The following KCNT2 variants were observed in gnomAD, a reference collection of about 807,000 sequenced individuals.
KCNT2 encodes the protein potassium channel subfamily T member 2.
KCNT2 carries 67 observed loss-of-function variants against 153.8 expected under a neutral mutation model. That is an observed-to-expected ratio of 0.44 (90% confidence interval 0.36 to 0.53). KCNT2 has a LOEUF of 0.53. Ranked by LOEUF, KCNT2 falls within the 20% of genes least tolerant of loss-of-function variation. The pLI, the probability that KCNT2 is intolerant of heterozygous loss-of-function variation, is 0.00. For synonymous variants in KCNT2, 500 were observed against 458.8 expected (o/e 1.09, Z -1.15); for missense variants, 975 against 1,354.8 (o/e 0.72, Z 4.40).
intron 1 of KCNT2, among the ~76,000 whole-genome samples, chr1:196,526,698 A>C (rs2148836858): frequency 6.6e-6 from 1 of 152,062 alleles, no homozygotes; most frequent in South Asian, 2.1e-4. Flanking sequence ...TGATCTGCCC[A>C]CCTCGGCCTC....
intron 1 of KCNT2, among the ~76,000 whole-genome samples, chr1:196,505,864 C>G (rs6676437): frequency 0.048 from 7,231 of 152,174 alleles, 591 homozygotes; most frequent in African/African-American, 0.16. Context: ...TGGGAGTTCA[C>G]TCATGATTGG....
At chr1:196,538,449 A>T (rs916481510) in intron 1 of KCNT2, among the ~76,000 whole-genome samples, 1 of 152,192 alleles carries the variant, frequency 6.6e-6, no homozygotes, top group Non-Finnish European at 1.5e-5. Flanking sequence ...CAGTTTTGAC[A>T]TAGCTTTTAC....
Position 196,333,975 on chromosome 1 carries a change from T to G in KCNT2, c.1869A>C (p.Glu623Asp), listed in dbSNP as rs763115543. The G allele has an allele frequency of 4.3e-6, 7 of 1,613,354 alleles. No individual in the cohort carries two copies. In the South Asian group the frequency reaches 7.7e-5, roughly 18 times the overall value. ...TLSLPTEGSKEIRRPSIAPVL... is the reference protein window; with the variant it reads ...TLSLPTEGSKDIRRPSIAPVL... ...CAGGAGCAATGCTAGGTCTTCTTATTTCTTTGCTTCCCTCTGTAGGAAGAG... is the reference window on the plus strand; with the variant it reads ...CAGGAGCAATGCTAGGTCTTCTTATGTCTTTGCTTCCCTCTGTAGGAAGAG... The change falls in exon 17 of 28, where the codon GAA (glutamate) becomes GAC (aspartate). Residue 623 changes from glutamate to aspartate, a missense_variant. Physicochemically the swap from Glu to Asp is conservative, Grantham distance 45. Around this residue, in one of 6 missense-constraint regions of KCNT2, gnomAD observed 325 missense variants for 388.1 expected, o/e 0.84. Coordinates refer to ENST00000294725, the MANE Select transcript of KCNT2 (RefSeq NM_198503.5).
chr1:196,351,867 G>C (rs1290557457), intron 14 of KCNT2, among the ~76,000 whole-genome samples: 1 of 152,114 alleles, frequency 6.6e-6, no homozygotes, highest in Non-Finnish European at 1.5e-5. Context: ...TTATTATTTT[G>C]AGATACATCC....
chr1:196,310,631 A>T (rs1359284339), intron 21 of KCNT2, among the ~76,000 whole-genome samples: 1 of 151,782 alleles, frequency 6.6e-6, no homozygotes, highest in Non-Finnish European at 1.5e-5. Flanking sequence ...TAAGATTATG[A>T]CTACTTGTGC....
intron 16 of KCNT2, among the ~76,000 whole-genome samples, chr1:196,335,316 A>G (rs935388759): frequency 2.0e-5 from 3 of 151,976 alleles, no homozygotes; most frequent in Admixed American, 6.6e-5. Context: ...ACTTACACAA[A>G]CCTAGATGAG....
At chr1:196,600,551 C>T (rs16840224) in intron 1 of KCNT2, among the ~76,000 whole-genome samples, 40,987 of 152,068 alleles carry the variant, frequency 0.27, 6,057 homozygotes, top group Admixed American at 0.38. Context: ...GTTTGGTTGA[C>T]GAAGTAAAAC....
chr1:196,264,441 T>G (rs1482360069), intron 25 of KCNT2, among the ~76,000 whole-genome samples: 1 of 152,076 alleles, frequency 6.6e-6, no homozygotes, highest in Non-Finnish European at 1.5e-5. Context: ...GCTCAAGATA[T>G]GGAGACATTC....
intron 1 of KCNT2, among the ~76,000 whole-genome samples, chr1:196,517,423 A>T (rs1018075915): frequency 9.2e-5 from 14 of 152,208 alleles, no homozygotes; most frequent in African/African-American, 3.4e-4. Context: ...ACCAGCCTTA[A>T]TTGGTTGAAA....
chr1:196,234,097 A>G (rs1001964214), intron 27 of KCNT2, among the ~76,000 whole-genome samples: 4 of 151,406 alleles, frequency 2.6e-5, no homozygotes, highest in African/African-American at 9.7e-5. Context: ...TGTTTGGGGT[A>G]ATGGCTACCT....
At chr1:196,561,671 A>AAAAAAAG (rs1659418142) in intron 1 of KCNT2, among the ~76,000 whole-genome samples, 1 of 30,400 alleles carries the variant, frequency 3.3e-5, no homozygotes, top group African/African-American at 3.7e-5. Context: ...AAAAAAAAAA[A>AAAAAAAG]AAAAAAGAAG....
At chr1:196,520,300 A>G (rs894744369) in intron 1 of KCNT2, among the ~76,000 whole-genome samples, 1 of 152,054 alleles carries the variant, frequency 6.6e-6, no homozygotes, top group Non-Finnish European at 1.5e-5. Context: ...TTGAAAAACC[A>G]TATCACAAAA....
chr1:196,358,008 C>T (rs771884382), intron 14 of KCNT2, among the ~76,000 whole-genome samples: 3 of 151,314 alleles, frequency 2.0e-5, no homozygotes, highest in Non-Finnish European at 4.4e-5. Context: ...TTATTTATTA[C>T]GACTCACACT....
At chr1:196,336,354 G>C (rs948074373) in intron 16 of KCNT2, among the ~76,000 whole-genome samples, 1 of 151,878 alleles carries the variant, frequency 6.6e-6, no homozygotes, top group Non-Finnish European at 1.5e-5. Flanking sequence ...TGGCTTTCCA[G>C]CTCTTTCCCT....
At chr1:196,357,362 T>G (rs1391392408) in intron 14 of KCNT2, among the ~76,000 whole-genome samples, 1 of 151,938 alleles carries the variant, frequency 6.6e-6, no homozygotes, top group East Asian at 1.9e-4. Flanking sequence ...TATTATGACA[T>G]GTTTTAATTT....
chr1:196,593,362 A>AT lies in KCNT2; in HGVS notation c.95+14852dup, dbSNP rs553864406. 3.0e-4 allele frequency among the ~76,000 whole-genome samples: 44 copies of AT among 148,560 alleles called. No homozygotes were observed. The East Asian group carries it at 6.5e-3, about 22-fold the overall frequency. ...CACACATATATATGTGTATATATGT[A>AT]TTTTTTTATTTTTTTCTTTATCCAC... On this transcript the variant is annotated intron_variant, in intron 1 of 27. Transcript: ENST00000294725.
chr1:196,343,662 C>T (rs1234594947), intron 14 of KCNT2, among the ~76,000 whole-genome samples: 1 of 152,118 alleles, frequency 6.6e-6, no homozygotes, highest in East Asian at 1.9e-4. Flanking sequence ...TCATTGCTGC[C>T]TCATTCCTTC....
intron 8 of KCNT2, among the ~76,000 whole-genome samples, chr1:196,456,384 G>A (rs947526050): frequency 2.6e-5 from 4 of 151,724 alleles, no homozygotes; most frequent in South Asian, 2.1e-4. Context: ...AGAATTTAAC[G>A]TTATGTATAG....
intron 26 of KCNT2, among the ~76,000 whole-genome samples, chr1:196,250,717 T>C (rs1308006536): frequency 6.6e-6 from 1 of 151,936 alleles, no homozygotes; most frequent in East Asian, 1.9e-4. Context: ...ATCTGCAAAC[T>C]GTGTATCTGA....
Sources: gnomAD v4.1 joint callset for allele counts (sites outside exome capture counted in the v4.1 genomes callset) on GRCh38, gnomAD v4.1.1 for gene constraint, gnomAD v4.1.1 regional missense constraint, MANE v1.5 for transcripts, NCBI Gene and HGNC (gene_info 2026-07-23, HGNC 2026-07-21) for gene names.